The following NOP9 variants were observed in gnomAD, a reference collection of about 807,000 sequenced individuals.
NOP9 encodes the protein NOP9 nucleolar protein.
In NOP9, 50 loss-of-function variants were observed where a neutral mutation model predicts 63.0. That is an observed-to-expected ratio of 0.79 (90% CI 0.63 to 1.00). The LOEUF is 1.00. Among genes scored for constraint, NOP9 ranks in the 50% least tolerant of loss-of-function variants. NOP9 has a pLI of 0.00. For synonymous variants in NOP9, 343 were observed against 332.8 expected, an observed-to-expected ratio of 1.03 and a Z score of -0.33; for missense variants, 758 against 803.0, an observed-to-expected ratio of 0.94 and a Z score of 0.68.
the NOP9 span, among the ~76,000 whole-genome samples, chr14:24,277,555 A>G: frequency 6.6e-6 from 1 of 152,238 alleles, no homozygotes; most frequent in Non-Finnish European, 1.5e-5. Flanking sequence ...GTGCTCCCGA[A>G]GCCATAATTA....
the NOP9 span, among the ~76,000 whole-genome samples, chr14:24,289,457 G>A: frequency 7.9e-5 from 12 of 152,302 alleles, no homozygotes; most frequent in African/African-American, 2.9e-4. Flanking sequence ...GGCTGTGGAA[G>A]GCTGGAGGTG....
intron 2 of NOP9, 51 bp downstream of exon 2, chr14:24,300,908 G>A: frequency 6.9e-7 from 1 of 1,447,138 alleles, no homozygotes; most frequent in Non-Finnish European, 9.5e-7. Flanking sequence ...AATTTAGAAA[G>A]TTCAGAATGA....
the NOP9 span, chr14:24,291,873 AAT>A: frequency 1.6e-6 from 1 of 608,152 alleles, no homozygotes; most frequent in Non-Finnish European, 2.9e-6. Context: ...GGTAGTGCCA[AAT>A]AGTGTTTGGA....
chr14:24,299,190 G>T (rs1403095249), upstream of NOP9: 1 of 1,472,440 alleles, frequency 6.8e-7, no homozygotes, highest in African/African-American at 1.4e-5. Flanking sequence ...GTTGGGGCGA[G>T]GTTGGGGGGT....
the NOP9 span, among the ~76,000 whole-genome samples, chr14:24,279,332 T>G: frequency 1.3e-5 from 2 of 152,344 alleles, no homozygotes; most frequent in East Asian, 3.9e-4. Context: ...TTGCATTCTT[T>G]CTCTTCTCCC....
chr14:24,293,041 T>C, the NOP9 span: 8 of 455,340 alleles, frequency 1.8e-5, no homozygotes, highest in Non-Finnish European at 3.1e-5. Context: ...ACAATAACAA[T>C]TACAAACAAA....
At chr14:24,292,319 C>T in the NOP9 span, 1 of 1,614,086 alleles carries the variant, frequency 6.2e-7, no homozygotes. Flanking sequence ...AGTCAGCAGC[C>T]AGCTTGTCAC....
chr14:24,298,814 G>A, upstream of NOP9: 1 of 1,072,852 alleles, frequency 9.3e-7, no homozygotes, highest in Non-Finnish European at 1.2e-6. Context: ...TATTTACGGG[G>A]TTTTTAATTT....
chr14:24,293,453 A>G, the NOP9 span: 1 of 152,086 alleles, frequency 6.6e-6, no homozygotes, highest in African/African-American at 2.4e-5. Context: ...ACGTGCCTAT[A>G]GTCCCAGCTA....
rs761303712 is a variant in NOP9, at chr14:24,306,887, T to C, written c.*1792T>C. 9.1e-6 allele frequency: 3 copies of C among 330,548 alleles called. No individual in the cohort carries two copies. Among genetic ancestry groups the C allele is most frequent in the Non-Finnish European group, 1.7e-5 (3 of 174,044 alleles). The allele number at this position is 330,548 out of a possible 1,614,324, so 20.5% of individuals were successfully genotyped here. On this transcript the variant is annotated 3_prime_UTR_variant, in exon 10 of 10. Coordinates refer to ENST00000267425, the MANE Select transcript of NOP9 (RefSeq NM_174913.3). ...CCCTCAAGAGTTCTCCAGAAGTGTT[T>C]TCAGTAATAGTGTTTAACCTTTTTG...
Position 24,306,823 on chromosome 14 carries a change from C to A in NOP9, c.*1728C>A. 1 of 445,444 alleles carries A rather than the reference C, an allele frequency of 2.2e-6. No homozygotes were observed. The highest frequency in any genetic ancestry group is 4.2e-6 in the Non-Finnish European group (1 of 240,664). 27.6% of individuals were successfully genotyped at this position (445,444 alleles called of 1,614,324 possible). The stretch of plus-strand genomic sequence containing the variant: ...AAGCCAGGTTCTCACGAAGTCCACC[C>A]TTCTGTCTTATCTACAATGCTGCAC... On this transcript the variant is annotated 3_prime_UTR_variant, in exon 10 of 10. Coordinates refer to ENST00000267425, the MANE Select transcript of NOP9 (RefSeq NM_174913.3).
At chr14:24,297,113 C>A (rs2041263143), upstream of NOP9, among the ~76,000 whole-genome samples, 1 of 152,242 alleles carries the variant, frequency 6.6e-6, no homozygotes, top group South Asian at 2.1e-4. Context: ...TTTTAATAAT[C>A]TACAAACATT....
In NOP9 at chr14:24,302,334, C is replaced by G. The variant is rs762875720; in HGVS notation, c.1053C>G (p.His351Gln). Reference protein sequence around the residue: ...PPRLQSLFEEHLQGQLQTLAA... With the variant: ...PPRLQSLFEEQLQGQLQTLAA... ...GACTCCAGAGCCTCTTTGAGGAGCACTTGCAGGGGCAGCTGCAGACCCTGG... is the reference window on the plus strand; with the variant it reads ...GACTCCAGAGCCTCTTTGAGGAGCAGTTGCAGGGGCAGCTGCAGACCCTGG... The change falls in exon 5 of 10, where the codon CAC (histidine) becomes CAG (glutamine). Residue 351 changes from histidine (H) to glutamine (Q), a missense_variant. His to Gln is a conservative substitution (Grantham distance 24). Coordinates refer to ENST00000267425, the MANE Select transcript of NOP9 (RefSeq NM_174913.3). The G allele has an allele frequency of 3.1e-6, 5 of 1,614,076 alleles. No individual in the cohort carries two copies. The East Asian group carries it at 1.1e-4, about 36-fold the overall frequency.
the NOP9 span, chr14:24,290,946 C>A: frequency 6.2e-7 from 1 of 1,614,064 alleles, no homozygotes; most frequent in Admixed American, 1.7e-5. Context: ...CCAGGCCGGA[C>A]ACGTGTGAGA....
the NOP9 span, chr14:24,291,195 C>T: frequency 1.2e-6 from 2 of 1,614,124 alleles, no homozygotes; most frequent in East Asian, 2.2e-5. Flanking sequence ...CAGCACCTTA[C>T]CACTCAGGCT....
the NOP9 span, chr14:24,292,623 C>T: frequency 1.2e-5 from 19 of 1,614,098 alleles, no homozygotes; most frequent in Non-Finnish European, 8.5e-6. Flanking sequence ...TCTTTTACCT[C>T]CTCAGCTCCT....
At chr14:24,277,633 C>T in the NOP9 span, among the ~76,000 whole-genome samples, 4 of 152,204 alleles carry the variant, frequency 2.6e-5, no homozygotes, top group African/African-American at 9.7e-5. Flanking sequence ...TGCCCGAGGC[C>T]GCACAGCCAG....
chr14:24,295,591 T>G (rs1297218548), upstream of NOP9, among the ~76,000 whole-genome samples: 1 of 152,216 alleles, frequency 6.6e-6, no homozygotes, highest in African/African-American at 2.4e-5. Context: ...AATCTCTGCT[T>G]CAGGGTCAAA....
At chr14:24,283,246 T>C in the NOP9 span, among the ~76,000 whole-genome samples, 1 of 152,180 alleles carries the variant, frequency 6.6e-6, no homozygotes, top group South Asian at 2.1e-4. Context: ...GGCTTGCCAT[T>C]GTACATATGT....
Sources: allele counts gnomAD v4.1 joint callset (sites outside exome capture counted in the v4.1 genomes callset), GRCh38; gene constraint gnomAD v4.1.1; transcripts MANE v1.5; gene names NCBI Gene and HGNC (gene_info 2026-07-23, HGNC 2026-07-21).